CDYL2: variants seen among roughly 807,000 people sequenced by gnomAD.
CDYL2 encodes chromodomain Y-like protein 2.
A neutral mutation model predicts 49.4 loss-of-function variants in CDYL2; 23 were observed. That is an observed-to-expected ratio of 0.47 (90% CI 0.34 to 0.66). CDYL2 has a LOEUF of 0.66. Among genes scored for constraint, CDYL2 ranks in the 30% least tolerant of loss-of-function variants. The pLI, the probability that CDYL2 is intolerant of heterozygous loss-of-function variation, is 0.01. For synonymous variants in CDYL2, 360 were observed against 268.8 expected (o/e 1.34, Z -3.32); for missense variants, 678 against 656.4 (o/e 1.03, Z -0.36).
intron 1 of CDYL2, among the ~76,000 whole-genome samples, chr16:80,774,973 G>C (rs1185738124): frequency 6.6e-6 from 1 of 151,666 alleles, no homozygotes; most frequent in African/African-American, 2.4e-5. Flanking sequence ...TAAGAAATCT[G>C]TGAATAGATT....
chr16:80,701,298 T>C (rs1359668861), intron 1 of CDYL2, among the ~76,000 whole-genome samples: 2 of 152,220 alleles, frequency 1.3e-5, no homozygotes, highest in African/African-American at 4.8e-5. Flanking sequence ...TAATCTTCTA[T>C]GGTTATTGCC....
At chr16:80,700,002 G>A (rs1396263289) in intron 1 of CDYL2, among the ~76,000 whole-genome samples, 2 of 152,108 alleles carry the variant, frequency 1.3e-5, no homozygotes, top group African/African-American at 2.4e-5. Context: ...CGAGTAGCTG[G>A]GACTACAGGT....
At chr16:80,623,186 G>T (rs1054460154) in intron 3 of CDYL2, among the ~76,000 whole-genome samples, 1 of 151,738 alleles carries the variant, frequency 6.6e-6, no homozygotes, top group Non-Finnish European at 1.5e-5. Context: ...AGAGTCTAAA[G>T]CCCCAGCCCC....
chr16:80,699,589 A>T (rs1223823323), intron 1 of CDYL2, among the ~76,000 whole-genome samples: 2 of 152,236 alleles, frequency 1.3e-5, no homozygotes, highest in Non-Finnish European at 2.9e-5. Context: ...ATTAAGTTTT[A>T]ATGTTCTACA....
At chr16:80,735,668 T>C (rs996148287) in intron 1 of CDYL2, among the ~76,000 whole-genome samples, 5 of 152,058 alleles carry the variant, frequency 3.3e-5, no homozygotes, top group African/African-American at 1.2e-4. Context: ...CTAGAAAAGC[T>C]CCGGGAAGTT....
intron 1 of CDYL2, among the ~76,000 whole-genome samples, chr16:80,791,419 C>T (rs1463283470): frequency 6.6e-6 from 1 of 152,146 alleles, no homozygotes; most frequent in Non-Finnish European, 1.5e-5. Context: ...ACAAGACAGA[C>T]AATCACTGCC....
chr16:80,757,551 A>G (rs35535837), intron 1 of CDYL2, among the ~76,000 whole-genome samples: 3 of 145,470 alleles, frequency 2.1e-5, no homozygotes, highest in African/African-American at 8.1e-5. Flanking sequence ...AAAAAAAAAA[A>G]AAATATATAT....
intron 1 of CDYL2, among the ~76,000 whole-genome samples, chr16:80,710,179 G>C (rs1390947761): frequency 6.6e-6 from 1 of 151,992 alleles, no homozygotes; most frequent in Non-Finnish European, 1.5e-5. Context: ...CTCCCGCCTC[G>C]GCCTCCCAAA....
At chr16:80,698,632 G>A (rs1904286330) in intron 1 of CDYL2, among the ~76,000 whole-genome samples, 1 of 152,018 alleles carries the variant, frequency 6.6e-6, no homozygotes, top group Non-Finnish European at 1.5e-5. Context: ...ATCCTCCCTT[G>A]GTACTGTATA....
intron 1 of CDYL2, among the ~76,000 whole-genome samples, chr16:80,714,635 C>G (rs1288712709): frequency 1.3e-5 from 2 of 152,156 alleles, no homozygotes; most frequent in Admixed American, 6.5e-5. Flanking sequence ...GCCAATGACC[C>G]TATCCCCGAC....
At chr16:80,717,550 T>C (rs1021498153) in intron 1 of CDYL2, among the ~76,000 whole-genome samples, 1 of 152,162 alleles carries the variant, frequency 6.6e-6, no homozygotes. Flanking sequence ...AAGACTGCTT[T>C]ACCTCTTTAG....
intron 2 of CDYL2, among the ~76,000 whole-genome samples, chr16:80,653,071 C>T (rs897101550): frequency 2.6e-5 from 4 of 152,192 alleles, no homozygotes; most frequent in African/African-American, 7.2e-5. Context: ...CAAAAAAAAT[C>T]ATACTAATGT....
chr16:80,638,235 T>C (rs1488611051), intron 2 of CDYL2, among the ~76,000 whole-genome samples: 1 of 152,114 alleles, frequency 6.6e-6, no homozygotes, highest in East Asian at 1.9e-4. Context: ...GTAACACACC[T>C]GGCTATTTTA....
intron 2 of CDYL2, among the ~76,000 whole-genome samples, chr16:80,637,846 A>G (rs1379296078): frequency 2.0e-5 from 3 of 152,228 alleles, no homozygotes; most frequent in Admixed American, 6.5e-5. Flanking sequence ...TACACATCCT[A>G]TGCGGGTATC....
intron 1 of CDYL2, among the ~76,000 whole-genome samples, chr16:80,765,276 G>C (rs1453820531): frequency 6.6e-6 from 1 of 150,828 alleles, no homozygotes. Context: ...ATCCCATAAT[G>C]AAACAAACAT....
intron 2 of CDYL2, among the ~76,000 whole-genome samples, chr16:80,647,672 G>A (rs975318470): frequency 2.0e-5 from 3 of 152,138 alleles, no homozygotes; most frequent in Non-Finnish European, 4.4e-5. Context: ...GACTTCATCT[G>A]CACTATAGGC....
rs556334682 is a variant in CDYL2, at chr16:80,693,924, C to T, written c.25-8795G>A. ...CTGTATTACAGATGTATGATACAAC[C>T]TAAATACAAGAGACAGGGAAAAGGA... On this transcript the variant is annotated intron_variant, in intron 1 of 6. Transcript: ENST00000570137. Among the ~76,000 whole-genome samples the T allele has an allele frequency of 2.6e-5, 4 of 152,234 alleles. No homozygotes were observed. The East Asian group carries it at 7.7e-4, about 29-fold the overall frequency.
chr16:80,766,111 A>C (rs1446259583), intron 1 of CDYL2, among the ~76,000 whole-genome samples: 1 of 151,990 alleles, frequency 6.6e-6, no homozygotes, highest in Non-Finnish European at 1.5e-5. Flanking sequence ...GTGACAGCTA[A>C]TGGATAGAGG....
intron 2 of CDYL2, among the ~76,000 whole-genome samples, chr16:80,683,076 C>G (rs879493391): frequency 1.3e-5 from 2 of 152,188 alleles, no homozygotes; most frequent in Non-Finnish European, 2.9e-5. Flanking sequence ...TTCTGGACTC[C>G]AAATCTACCA....
Sources: gnomAD v4.1 joint callset for allele counts (sites outside exome capture counted in the v4.1 genomes callset) on GRCh38, gnomAD v4.1.1 for gene constraint, MANE v1.5 for transcripts, NCBI Gene and HGNC (gene_info 2026-07-23, HGNC 2026-07-21) for gene names.